The following ADCY3 variants were observed in gnomAD, a reference collection of about 807,000 sequenced individuals.
ADCY3 encodes adenylate cyclase 3.
ADCY3 carries 70 observed loss-of-function variants against 119.4 expected under a neutral mutation model. That is an observed-to-expected ratio of 0.59 (90% confidence interval 0.48 to 0.72). The LOEUF (loss-of-function observed/expected upper bound fraction) is 0.72, where lower values mean the gene tolerates loss of function less well. Ranked by LOEUF, ADCY3 falls within the 30% of genes least tolerant of loss-of-function variation. The pLI is 0.00. For synonymous variants in ADCY3, 672 were observed against 621.4 expected, an observed-to-expected ratio of 1.08 and a Z score of -1.21; for missense variants, 1,238 against 1,541.6, an observed-to-expected ratio of 0.80 and a Z score of 3.30.
At chr2:24,825,805 T>C in intron 16 of ADCY3, 1 of 552,414 alleles carries the variant, frequency 1.8e-6, no homozygotes, top group Non-Finnish European at 3.2e-6. Context: ...CCACCTTCAC[T>C]CCCATGCTTC....
intron 2 of ADCY3, among the ~76,000 whole-genome samples, chr2:24,897,862 G>A (rs573892124): frequency 2.6e-5 from 4 of 152,174 alleles, no homozygotes; most frequent in East Asian, 1.9e-4. Context: ...ATCCCGCCAC[G>A]TTCAGGCAGG....
At chr2:24,876,156 C>T (rs939472311) in intron 2 of ADCY3, among the ~76,000 whole-genome samples, 1 of 152,076 alleles carries the variant, frequency 6.6e-6, no homozygotes, top group Non-Finnish European at 1.5e-5. Flanking sequence ...CTTGTCCCAG[C>T]TAATTTTATT....
Position 24,867,597 on chromosome 2 carries a change from C to T in ADCY3, c.825+4973G>A, listed in dbSNP as rs531815361. Among the ~76,000 whole-genome samples, 71 of 152,224 alleles carry T rather than the reference C, an allele frequency of 4.7e-4. No individual in the cohort carries two copies. In the South Asian group the frequency reaches 0.012, roughly 26 times the overall value. ...GGTATTCTGTTGTAGCAGCACAAAA[C>T]GGATGAAGACAGGTATCTTTCGAAA... On this transcript the variant is annotated intron_variant, in intron 3 of 21. Coordinates refer to ENST00000679454, the MANE Select transcript of ADCY3 (RefSeq NM_004036.5).
At chr2:24,862,558 T>A (rs546877897) in intron 3 of ADCY3, among the ~76,000 whole-genome samples, 54 of 120,358 alleles carry the variant, frequency 4.5e-4, no homozygotes, top group Admixed American at 1.1e-3. Flanking sequence ...AAAAAAAAAA[T>A]TAATTAATTA....
intron 2 of ADCY3, among the ~76,000 whole-genome samples, chr2:24,908,850 C>T (rs566343648): frequency 1.3e-5 from 2 of 152,216 alleles, no homozygotes; most frequent in African/African-American, 2.4e-5. Flanking sequence ...TCATGGGTCC[C>T]GGCAGGAAGC....
chr2:24,894,669 CAT>C (rs1678055452), intron 2 of ADCY3, among the ~76,000 whole-genome samples: 1 of 151,396 alleles, frequency 6.6e-6, no homozygotes, highest in Non-Finnish European at 1.5e-5. Flanking sequence ...AGATAACTTT[CAT>C]ATGTTTCCAT....
chr2:24,848,147 A>G (rs911696751), intron 3 of ADCY3, among the ~76,000 whole-genome samples: 5 of 152,274 alleles, frequency 3.3e-5, no homozygotes, highest in Admixed American at 1.3e-4. Context: ...TGACATGTTC[A>G]TGATGGCCAT....
At chr2:24,844,450 G>A (rs1380785544) in intron 3 of ADCY3, among the ~76,000 whole-genome samples, 1 of 152,090 alleles carries the variant, frequency 6.6e-6, no homozygotes. Context: ...CCTGGGCAGG[G>A]GGGCACCATG....
At chr2:24,837,069 A>G (rs1041699481) in intron 8 of ADCY3, 24 bp from the exon 9 acceptor site, 3 of 1,612,618 alleles carry the variant, frequency 1.9e-6, no homozygotes, top group Admixed American at 1.7e-5. Context: ...GAGCTCAGCC[A>G]TGATCTGGGC....
Position 24,841,114 on chromosome 2 carries a change from C to T in ADCY3, c.1196+145G>A. The T allele has an allele frequency of 1.0e-6, 1 of 966,374 alleles. No homozygotes were observed. Among genetic ancestry groups the T allele is most frequent in the Non-Finnish European group, 1.5e-6 (1 of 683,390 alleles). 59.9% of individuals were successfully genotyped at this position (966,374 alleles called of 1,614,324 possible). Reference sequence around the variant, plus strand: ...TTCTAGAGCGGGAGCCTGCGCCACCCATCAACCAGTGCTGTGTCCCAGTCT... The same window carrying T: ...TTCTAGAGCGGGAGCCTGCGCCACCTATCAACCAGTGCTGTGTCCCAGTCT... On this transcript the variant is annotated intron_variant, in intron 6 of 21. Coordinates refer to ENST00000679454, the MANE Select transcript of ADCY3 (RefSeq NM_004036.5). The surrounding 1 kb of genome is among the most constrained non-coding windows in gnomAD (Gnocchi z 5.8).
chr2:24,831,756 C>CAG lies in ADCY3; in HGVS notation c.1968-9_1968-8dup. On this transcript the variant is annotated splice_polypyrimidine_tract_variant and splice_region_variant and intron_variant, in intron 11 of 21. Transcript: ENST00000679454. The stretch of plus-strand genomic sequence containing the variant: ...CACATAGTTTGTCATTAGCCTGTGA[C>CAG]AGAGAGAAGACAATTGGGAGAGGCC... 6.4e-7 allele frequency: 1 copy of CAG among 1,572,564 alleles called. No individual in the cohort carries two copies. Among genetic ancestry groups the CAG allele is most frequent in the East Asian group, 2.4e-5 (1 of 41,590 alleles).
Position 24,819,607 on chromosome 2 carries a change from G to T in ADCY3, c.*325C>A, listed in dbSNP as rs906549819. 1 of 220,408 alleles carries T rather than the reference G, an allele frequency of 4.5e-6. No individual in the cohort carries two copies. 13.7% of individuals were successfully genotyped at this position (220,408 alleles called of 1,614,324 possible). A position where few individuals can be genotyped will look rare whatever the true frequency, so the allele number is the denominator to read the frequency against. ...CAGTCCCGGAAAGCCCAGCGGCAAAGGCAGCTTTGTCCCAGCTCTGCCACC... is the reference window on the plus strand; with the variant it reads ...CAGTCCCGGAAAGCCCAGCGGCAAATGCAGCTTTGTCCCAGCTCTGCCACC... On this transcript the variant is annotated 3_prime_UTR_variant, in exon 22 of 22. Transcript: ENST00000679454.
chr2:24,892,613 G>A (rs10176566), intron 2 of ADCY3, among the ~76,000 whole-genome samples: 17,594 of 152,170 alleles, frequency 0.12, 3,207 homozygotes, highest in African/African-American at 0.39. Context: ...CAGTGCACTT[G>A]AAAAGAATGT....
Position 24,842,025 on chromosome 2 carries a change from C to T in ADCY3, c.956+229G>A, listed in dbSNP as rs1437552960. ...TGACCTCACAGGAGTCCCTTCCCCG[C>T]TCCAGGTGATATCTGTTCTATGATG... is the stretch of plus-strand genomic sequence containing the variant. On this transcript the variant is annotated intron_variant, in intron 4 of 21. Coordinates refer to ENST00000679454, the MANE Select transcript of ADCY3 (RefSeq NM_004036.5). The surrounding 1 kb of genome is among the most constrained non-coding windows in gnomAD (Gnocchi z 4.9). 6.6e-6 allele frequency among the ~76,000 whole-genome samples: 1 copy of T among 152,228 alleles called. No individual in the cohort carries two copies. The highest frequency in any genetic ancestry group is 1.5e-5 in the Non-Finnish European group (1 of 68,034).
Position 24,912,563 on chromosome 2 carries a change from G to C in ADCY3, c.675+5750C>G, listed in dbSNP as rs969018204. Reference sequence around the variant, plus strand: ...GGAGTGAGCACGCATGTGTGTGTGTGTGTGCATGTGTGTGTGTGTGTGCAT... The same window carrying C: ...GGAGTGAGCACGCATGTGTGTGTGTCTGTGCATGTGTGTGTGTGTGTGCAT... On this transcript the variant is annotated intron_variant, in intron 2 of 21. Coordinates refer to ENST00000679454, the MANE Select transcript of ADCY3 (RefSeq NM_004036.5). 2.0e-3 allele frequency among the ~76,000 whole-genome samples: 146 copies of C among 72,868 alleles called. 1 individual carries two copies. Among genetic ancestry groups the C allele is most frequent in the Non-Finnish European group, 3.3e-3 (129 of 38,858 alleles). 47.8% of individuals were successfully genotyped at this position (72,868 alleles called of 152,430 possible). A position where few individuals can be genotyped will look rare whatever the true frequency, so the allele number is the denominator to read the frequency against.
rs758035563 is a variant in ADCY3, at chr2:24,834,446, G to A, written c.1967+39C>T. On this transcript the variant is annotated intron_variant, in intron 11 of 21. Transcript: ENST00000679454. This position sits in a 1 kb window ranked among gnomAD's most constrained non-coding sequence, Gnocchi z 4.2. Reference sequence around the variant, plus strand: ...CCGCCCCCCGCCCGGCACCACCGCAGCCGAGGAAACTCGTGGCCCTCCCCG... The same window carrying A: ...CCGCCCCCCGCCCGGCACCACCGCAACCGAGGAAACTCGTGGCCCTCCCCG... 1.4e-5 allele frequency: 20 copies of A among 1,463,962 alleles called. No individual in the cohort carries two copies. In the African/African-American group the frequency reaches 2.4e-4, roughly 18 times the overall value. 90.7% of individuals were successfully genotyped at this position (1,463,962 alleles called of 1,614,324 possible). A position where few individuals can be genotyped will look rare whatever the true frequency, so the allele number is the denominator to read the frequency against.
intron 16 of ADCY3, among the ~76,000 whole-genome samples, 164 bp from the exon 17 acceptor site, chr2:24,824,700 C>A (rs557357332): frequency 6.6e-6 from 1 of 152,138 alleles, no homozygotes; most frequent in Non-Finnish European, 1.5e-5. Context: ...ACCAGCCTGA[C>A]CAACATGGTG....
Position 24,911,641 on chromosome 2 carries a change from A to ACACACACACACACACAC in ADCY3, c.675+6671_675+6672insGTGTGTGTGTGTGTGTG, listed in dbSNP as rs1459604524. On this transcript the variant is annotated intron_variant, in intron 2 of 21. Coordinates refer to ENST00000679454, the MANE Select transcript of ADCY3 (RefSeq NM_004036.5). Reference sequence around the variant, plus strand: ...CTCCAGCCTGGGAGACAGACTCAAAAAAAAAAAAAAAAAAAAACACACACA... The same window carrying ACACACACACACACACAC: ...CTCCAGCCTGGGAGACAGACTCAAAACACACACACACACACACAAAAAAAAAAAAAAAAACACACACA... 6.5e-3 allele frequency among the ~76,000 whole-genome samples: 377 copies of ACACACACACACACACAC among 58,048 alleles called. 7 individuals carry two copies. The highest frequency in any genetic ancestry group is 0.021 in the African/African-American group (352 of 17,056). The allele number at this position is 58,048 out of a possible 152,430, so 38.1% of individuals were successfully genotyped here. A position where few individuals can be genotyped will look rare whatever the true frequency, so the allele number is the denominator to read the frequency against.
chr2:24,880,879 G>T (rs1488881409), intron 2 of ADCY3, among the ~76,000 whole-genome samples: 1 of 152,188 alleles, frequency 6.6e-6, no homozygotes, highest in Non-Finnish European at 1.5e-5. Flanking sequence ...GCTGGGTGTT[G>T]TGGCAGGCAC....
Sources: allele counts gnomAD v4.1 joint callset (sites outside exome capture counted in the v4.1 genomes callset), GRCh38; gene constraint gnomAD v4.1.1; non-coding constraint Gnocchi (gnomAD v3.1); transcripts MANE v1.5; gene names NCBI Gene and HGNC (gene_info 2026-07-23, HGNC 2026-07-21).